The following REEP1 variants were observed in gnomAD, a reference collection of about 807,000 sequenced individuals.
REEP1 encodes the protein receptor accessory protein 1, also known as receptor expression-enhancing protein 1.
Under a neutral mutation model 40.3 loss-of-function variants are expected in REEP1, and 22 were observed. That is an observed-to-expected ratio of 0.55 (90% CI 0.39 to 0.78). The LOEUF (loss-of-function observed/expected upper bound fraction) is 0.78. REEP1 is among the 30% of genes least tolerant of loss of function. REEP1 has a pLI of 0.00. For missense variants in REEP1, 280 were observed against 361.1 expected (o/e 0.78, Z 1.82); for synonymous variants, 116 against 139.2 (o/e 0.83, Z 1.17).
chr2:86,243,194 A>T (rs1373683506), intron 5 of REEP1, among the ~76,000 whole-genome samples: 1 of 152,082 alleles, frequency 6.6e-6, no homozygotes, highest in Non-Finnish European at 1.5e-5. Context: ...TTCATCTAAC[A>T]CTGAGGCGTG....
chr2:86,247,889 A>C (rs1362542943), intron 5 of REEP1, among the ~76,000 whole-genome samples: 1 of 152,054 alleles, frequency 6.6e-6, no homozygotes, highest in Non-Finnish European at 1.5e-5. Context: ...TATTTATATA[A>C]TAATGTGGTT....
chr2:86,232,798 T>C lies in REEP1; in HGVS notation c.422A>G (p.Gln141Arg). 1 of 1,600,572 alleles carries C rather than the reference T, an allele frequency of 6.2e-7. No individual in the cohort carries two copies. Among genetic ancestry groups the C allele is most frequent in the Non-Finnish European group, 8.5e-7 (1 of 1,179,870 alleles). ...TAAVMAASKG[Q>R]GALSERLRSF... is the part of the protein sequence containing the mutation. The stretch of plus-strand genomic sequence containing the variant: ...CCGCAGTCTCTCCGATAAGGCACCC[T>C]GTCCCTGGATACAACACAGGAGGGG... The change falls in exon 6 of 9, where the codon CAG becomes CGG. Residue 141 changes from glutamine (Q) to arginine (R), a missense_variant. By Grantham distance (43) the Gln-to-Arg change is conservative (BLOSUM62 1). Coordinates refer to ENST00000538924, the MANE Select transcript of REEP1 (RefSeq NM_001371279.1).
At chr2:86,248,488 C>T (rs1002599117) in intron 5 of REEP1, among the ~76,000 whole-genome samples, 1 of 152,086 alleles carries the variant, frequency 6.6e-6, no homozygotes, top group South Asian at 2.1e-4. Flanking sequence ...TGCTCTGTCA[C>T]CTAGGCTAGA....
chr2:86,255,439 G>T (rs1676505225), intron 3 of REEP1, among the ~76,000 whole-genome samples: 1 of 152,196 alleles, frequency 6.6e-6, no homozygotes, highest in Admixed American at 6.5e-5. Flanking sequence ...CCAAGAAACA[G>T]AAGAGTCCAC....
At chr2:86,260,486 G>T (rs183092986) in intron 3 of REEP1, among the ~76,000 whole-genome samples, 6 of 152,290 alleles carry the variant, frequency 3.9e-5, no homozygotes, top group Admixed American at 3.9e-4. Context: ...TGTAATGAAG[G>T]TTACTGATCA....
intron 1 of REEP1, among the ~76,000 whole-genome samples, chr2:86,326,546 C>G (rs1467086140): frequency 2.6e-5 from 4 of 151,984 alleles, no homozygotes; most frequent in Non-Finnish European, 5.9e-5. Flanking sequence ...AACCCCGTCT[C>G]TACTAAAAAT....
At chr2:86,270,730 C>A (rs183583598) in intron 2 of REEP1, among the ~76,000 whole-genome samples, 140 of 152,118 alleles carry the variant, frequency 9.2e-4, no homozygotes, top group African/African-American at 3.2e-3. Context: ...CAGACTAAAG[C>A]CATGCAGACT....
chr2:86,272,218 A>G (rs537190769), intron 2 of REEP1, among the ~76,000 whole-genome samples: 2 of 152,198 alleles, frequency 1.3e-5, no homozygotes, highest in Admixed American at 6.5e-5. Flanking sequence ...GTGAAACTCC[A>G]TCTCAGAAAA....
In REEP1 at chr2:86,290,812, T is replaced by C. The variant is rs567035614; in HGVS notation, c.33-8570A>G. On this transcript the variant is annotated intron_variant, in intron 1 of 8. Transcript: ENST00000538924. ...GAGATCCTCCGTCTGAGCACACAGC[T>C]CAGGTTCCCATAGCACAGCAAACCA... 1.4e-3 allele frequency among the ~76,000 whole-genome samples: 210 copies of C among 152,286 alleles called. 2 individuals are homozygous for C. Among genetic ancestry groups the C allele is most frequent in the Middle Eastern group, 6.8e-3 (2 of 294 alleles).
rs2104395246 is a variant in REEP1, at chr2:86,282,258, A to T, written c.33-16T>A. ...AAATATAAGCCTGGAGGGAAGAGAG[A>T]CAAAAATAAATACGATTTTTCATTT... is the stretch of plus-strand genomic sequence containing the variant. On this transcript the variant is annotated splice_polypyrimidine_tract_variant and intron_variant, in intron 1 of 8. Coordinates refer to ENST00000538924, the MANE Select transcript of REEP1 (RefSeq NM_001371279.1). The T allele has an allele frequency of 6.4e-7, 1 of 1,558,306 alleles. No individual in the cohort carries two copies. The highest frequency in any genetic ancestry group is 8.9e-7 in the Non-Finnish European group (1 of 1,129,284).
At chr2:86,333,017 A>G (rs1044781222) in intron 1 of REEP1, among the ~76,000 whole-genome samples, 3 of 152,196 alleles carry the variant, frequency 2.0e-5, no homozygotes, top group African/African-American at 7.2e-5. Flanking sequence ...ACTAGAACCC[A>G]TGTCTGCTGC....
chr2:86,222,619 G>A (rs1674488152), intron 7 of REEP1, among the ~76,000 whole-genome samples: 1 of 152,168 alleles, frequency 6.6e-6, no homozygotes, highest in Non-Finnish European at 1.5e-5. Context: ...TTTCAAGGAA[G>A]CCAGGTGTCT....
chr2:86,227,111 C>G (rs1674749858), intron 7 of REEP1, among the ~76,000 whole-genome samples: 2 of 152,188 alleles, frequency 1.3e-5, no homozygotes, highest in African/African-American at 2.4e-5. Context: ...GATAACTCAG[C>G]CCAGGCTGAC....
chr2:86,275,289 G>A (rs2104365170), intron 2 of REEP1, among the ~76,000 whole-genome samples: 4 of 150,962 alleles, frequency 2.6e-5, no homozygotes, highest in Middle Eastern at 6.8e-3. Context: ...TAGCCTGGAG[G>A]GAGAAATGCC....
chr2:86,228,855 A>G (rs1674864220), intron 6 of REEP1, among the ~76,000 whole-genome samples: 1 of 152,176 alleles, frequency 6.6e-6, no homozygotes, highest in Non-Finnish European at 1.5e-5. Context: ...TTAATGTGCA[A>G]CTTTTTGTTT....
chr2:86,299,564 T>C (rs1424971528), intron 1 of REEP1, among the ~76,000 whole-genome samples: 3 of 152,214 alleles, frequency 2.0e-5, no homozygotes, highest in African/African-American at 7.2e-5. Context: ...CTATTAGCAC[T>C]TAACTAGCCT....
Position 86,331,559 on chromosome 2 carries a change from C to T in REEP1, c.32+5920G>A, listed in dbSNP as rs536504683. On this transcript the variant is annotated intron_variant, in intron 1 of 8. Coordinates refer to ENST00000538924, the MANE Select transcript of REEP1 (RefSeq NM_001371279.1). ...GGGGGCGGGGAATGTAGTATAGATA[C>T]GCAGGATAGTCCTAAGAGGAAAGAG... is the stretch of plus-strand genomic sequence containing the variant. Among the ~76,000 whole-genome samples the T allele has an allele frequency of 1.5e-4, 22 of 151,492 alleles. 1 individual carries two copies. The South Asian group carries it at 3.3e-3, about 23-fold the overall frequency.
chr2:86,236,619 C>T (rs934968173), intron 5 of REEP1, among the ~76,000 whole-genome samples: 4 of 151,958 alleles, frequency 2.6e-5, no homozygotes, highest in East Asian at 3.9e-4. Flanking sequence ...AAGACCAGCC[C>T]GGGCAACATA....
intron 1 of REEP1, among the ~76,000 whole-genome samples, chr2:86,329,254 C>T (rs369470478): frequency 4.6e-4 from 70 of 152,204 alleles, no homozygotes; most frequent in African/African-American, 1.7e-3. Flanking sequence ...CGGGGTGTGG[C>T]GAGCCAGAGT....
Sources: allele counts gnomAD v4.1 joint callset (sites outside exome capture counted in the v4.1 genomes callset), GRCh38; gene constraint gnomAD v4.1.1; transcripts MANE v1.5; gene names NCBI Gene and HGNC (gene_info 2026-07-23, HGNC 2026-07-21).